FBXO3: variants seen among roughly 807,000 people sequenced by gnomAD.
FBXO3 encodes F-box only protein 3.
In FBXO3, 17 loss-of-function variants were observed where a neutral mutation model predicts 64.8. That is an observed-to-expected ratio of 0.26 (90% CI 0.18 to 0.39). The LOEUF is 0.39. Among genes scored for constraint, FBXO3 ranks in the 10% least tolerant of loss-of-function variants. The pLI, the probability that FBXO3 is intolerant of heterozygous loss-of-function variation, is 1.00. For synonymous variants in FBXO3, 182 were observed against 201.6 expected, an observed-to-expected ratio of 0.90 and a Z score of 0.82; for missense variants, 420 against 589.9, an observed-to-expected ratio of 0.71 and a Z score of 2.98.
intron 6 of FBXO3, among the ~76,000 whole-genome samples, chr11:33,752,460 T>C (rs1854985103): frequency 6.6e-6 from 1 of 152,226 alleles, no homozygotes. Context: ...CTACACTCTG[T>C]CACACTGAAT....
intron 6 of FBXO3, among the ~76,000 whole-genome samples, chr11:33,752,018 G>A (rs1231503899): frequency 6.6e-6 from 1 of 152,182 alleles, no homozygotes; most frequent in Non-Finnish European, 1.5e-5. Flanking sequence ...ATTCTCAGAC[G>A]TCCCTGGTCC....
chr11:33,751,153 G>A (rs1287760352), intron 7 of FBXO3, among the ~76,000 whole-genome samples: 1 of 152,154 alleles, frequency 6.6e-6, no homozygotes, highest in African/African-American at 2.4e-5. Flanking sequence ...TCCATTTAGA[G>A]ATAATAAATA....
intron 7 of FBXO3, 108 bp from the exon 8 acceptor site, chr11:33,750,769 C>A (rs1854936745): frequency 2.0e-6 from 2 of 1,022,468 alleles, no homozygotes; most frequent in Non-Finnish European, 2.8e-6. Flanking sequence ...TATTTCAGAC[C>A]CAGAAAAGTT....
chr11:33,762,618 A>C (rs1024514486), intron 3 of FBXO3, among the ~76,000 whole-genome samples: 1 of 152,110 alleles, frequency 6.6e-6, no homozygotes. Context: ...CAATGTATTA[A>C]AACTTATGGG....
At chr11:33,750,743 C>T (rs1854936018) in intron 7 of FBXO3, 82 bp from the exon 8 acceptor site, 1 of 1,308,762 alleles carries the variant, frequency 7.6e-7, no homozygotes, top group Non-Finnish European at 1.1e-6. Flanking sequence ...TACTTTAGGA[C>T]AAAAAATTTA....
chr11:33,758,232 A>AT, intron 4 of FBXO3, among the ~76,000 whole-genome samples: 1 of 152,180 alleles, frequency 6.6e-6, no homozygotes, highest in East Asian at 1.9e-4. Flanking sequence ...TGTATGTCCC[A>AT]TCCCCCATCC....
rs547176263 is a variant in FBXO3, at chr11:33,741,596, C to T, written c.*312G>A. 65 of 187,714 alleles carry T rather than the reference C, an allele frequency of 3.5e-4. No individual in the cohort carries two copies. The highest frequency in any genetic ancestry group is 1.2e-3 in the Admixed American group (19 of 16,420). 11.6% of individuals were successfully genotyped at this position (187,714 alleles called of 1,614,324 possible). A position where few individuals can be genotyped will look rare whatever the true frequency, so the allele number is the denominator to read the frequency against. On this transcript the variant is annotated 3_prime_UTR_variant, in exon 11 of 11. Transcript: ENST00000265651. ...ATCCTTATTCAAAACAGTTCCCTCT[C>T]CATTTCTAGATTTTTGTAAGTATAA...
intron 5 of FBXO3, among the ~76,000 whole-genome samples, chr11:33,755,322 C>A (rs1426236128): frequency 1.3e-5 from 2 of 152,114 alleles, no homozygotes; most frequent in South Asian, 4.1e-4. Flanking sequence ...ACCATATTTT[C>A]TGTGGTTACA....
intron 3 of FBXO3, among the ~76,000 whole-genome samples, chr11:33,768,371 A>C (rs1855427593): frequency 6.6e-6 from 1 of 152,186 alleles, no homozygotes. Flanking sequence ...AAATAAGGAT[A>C]AAAGTTTTCC....
intron 1 of FBXO3, chr11:33,772,399 A>G (rs1179522139): frequency 6.6e-6 from 1 of 152,194 alleles, no homozygotes; most frequent in African/African-American, 2.4e-5. Context: ...CATTTAAAGT[A>G]AACTCTTACT....
At chr11:33,758,466 C>A in intron 4 of FBXO3, 21 bp downstream of exon 4, 1 of 1,527,816 alleles carries the variant, frequency 6.5e-7, no homozygotes, top group Non-Finnish European at 9.0e-7. Flanking sequence ...TTAAAAATAA[C>A]CAAAACATTG....
intron 3 of FBXO3, among the ~76,000 whole-genome samples, chr11:33,765,254 C>T (rs1855339541): frequency 6.6e-6 from 1 of 152,226 alleles, no homozygotes; most frequent in South Asian, 2.1e-4. Context: ...TCTCTGAACT[C>T]TCTTTGCAAC....
chr11:33,757,092 C>T (rs183100071), intron 4 of FBXO3: 86 of 518,330 alleles, frequency 1.7e-4, no homozygotes, highest in Middle Eastern at 1.3e-3. Flanking sequence ...ATTCCCTGTA[C>T]TCATTCAACC....
At chr11:33,768,557 C>T (rs761538045) in intron 3 of FBXO3, among the ~76,000 whole-genome samples, 1 of 152,020 alleles carries the variant, frequency 6.6e-6, no homozygotes, top group Non-Finnish European at 1.5e-5. Flanking sequence ...AAGAAATCAC[C>T]GTAGTTACTC....
At chr11:33,742,378 A>G in intron 10 of FBXO3, 1 of 192,354 alleles carries the variant, frequency 5.2e-6, no homozygotes, top group Non-Finnish European at 1.1e-5. Context: ...TGTGTTGCCT[A>G]GGCTAGCCTC....
At chr11:33,771,607 T>C (rs1855512865) in intron 1 of FBXO3, 1 of 152,212 alleles carries the variant, frequency 6.6e-6, no homozygotes, top group African/African-American at 2.4e-5. Flanking sequence ...TTCAAAGATC[T>C]CACTTGGGCA....
intron 8 of FBXO3, 141 bp from the exon 9 acceptor site, chr11:33,749,033 T>A (rs889334078): frequency 6.1e-6 from 3 of 489,726 alleles, no homozygotes. Flanking sequence ...ATGTTAGCCA[T>A]CTATTTTTCT....
rs1051335599 is a variant in FBXO3 at position 33,747,245 on chromosome 11, T to G, written c.1124A>C (p.Tyr375Ser). ...ATGGAAGGTATAATATCCTTCCATG[T>G]ATCCTGATGTTGTAGAGAATGTGGT... ...SCTTFSTTSG[Y>S]MEGYYTFHFL... Residue 375 changes from tyrosine to serine, a missense_variant, in exon 10 of 11, where the codon TAC becomes TCC. Around this residue, in one of 3 missense-constraint regions of FBXO3, gnomAD observed 337 missense variants for 518.4 expected, o/e 0.65. Coordinates refer to ENST00000265651, the MANE Select transcript of FBXO3 (RefSeq NM_012175.4). The G allele has an allele frequency of 6.2e-7, 1 of 1,613,454 alleles. No individual in the cohort carries two copies. The highest frequency in any genetic ancestry group is 1.3e-5 in the African/African-American group (1 of 75,000).
chr11:33,757,781 A>T (rs2133608280), intron 4 of FBXO3, among the ~76,000 whole-genome samples: 1 of 151,296 alleles, frequency 6.6e-6, no homozygotes, highest in Non-Finnish European at 1.5e-5. Context: ...ACATGACAAG[A>T]CCCCATCTCT....
Sources: allele counts gnomAD v4.1 joint callset (sites outside exome capture counted in the v4.1 genomes callset), GRCh38; gene constraint gnomAD v4.1.1; regional missense constraint gnomAD v4.1.1; transcripts MANE v1.5; gene names NCBI Gene and HGNC (gene_info 2026-07-23, HGNC 2026-07-21).